The following ORC2 variants were observed in gnomAD, a reference collection of about 807,000 sequenced individuals.
ORC2 encodes the protein origin recognition complex protein 2 homolog.
Under a neutral mutation model 77.7 loss-of-function variants are expected in ORC2, and 37 were observed. The ratio of observed to expected loss-of-function variants is 0.48; its 90% CI spans 0.37 to 0.63. The LOEUF (loss-of-function observed/expected upper bound fraction) is 0.63, where lower values mean the gene tolerates loss of function less well. Ranked by LOEUF, ORC2 falls within the 20% of genes least tolerant of loss-of-function variation. The pLI is 0.00. For missense variants in ORC2, 557 were observed against 661.9 expected (o/e 0.84, Z 1.74); for synonymous variants, 201 against 229.5 (o/e 0.88, Z 1.12).
At chr2:200,916,860 G>A (rs1159745603) in intron 15 of ORC2, among the ~76,000 whole-genome samples, 3 of 151,806 alleles carry the variant, frequency 2.0e-5, no homozygotes, top group Non-Finnish European at 4.4e-5. Context: ...CCGCCACCAC[G>A]CCCGGCTAAT....
chr2:200,959,778 T>A (rs988187581), intron 1 of ORC2, among the ~76,000 whole-genome samples: 4 of 152,002 alleles, frequency 2.6e-5, no homozygotes, highest in African/African-American at 9.7e-5. Context: ...AGATAATAAA[T>A]AGTGGGCTGG....
At position 200,949,570 on chromosome 2, in the gene ORC2, T is replaced by C; in HGVS notation, c.312A>G (p.Glu104=). 6.3e-7 allele frequency: 1 copy of C among 1,576,932 alleles called. No homozygotes were observed. The highest frequency in any genetic ancestry group is 2.3e-5 in the East Asian group (1 of 44,334). The change falls in exon 5 of 18, where the codon GAA becomes GAG. Residue 104 remains glutamate, a synonymous_variant. Transcript: ENST00000234296. The stretch of plus-strand genomic sequence containing the variant: ...GCAACATACCTAATTTAGCCATCTT[T>C]TCAGAGTGTTTTCTATTCTGAAAAG... ...VYSFQNRKHS[E]KMAKLASELA...
chr2:200,945,146 T>A (rs3963301), intron 5 of ORC2, among the ~76,000 whole-genome samples: 1 of 152,250 alleles, frequency 6.6e-6, no homozygotes, highest in Non-Finnish European at 1.5e-5. Flanking sequence ...GTATTAATCA[T>A]CTACATGCAC....
At chr2:200,943,523 A>T (rs2041192351) in intron 5 of ORC2, among the ~76,000 whole-genome samples, 1 of 152,188 alleles carries the variant, frequency 6.6e-6, no homozygotes, top group African/African-American at 2.4e-5. Context: ...AAACAGATTT[A>T]CCTTTTCCAA....
intron 5 of ORC2, among the ~76,000 whole-genome samples, chr2:200,948,058 G>A (rs1465791160): frequency 1.3e-5 from 2 of 151,506 alleles, no homozygotes; most frequent in Non-Finnish European, 2.9e-5. Context: ...ACAGTCGCCC[G>A]CCACCACGCC....
At chr2:200,938,326 G>A (rs369453931) in intron 7 of ORC2, among the ~76,000 whole-genome samples, 3 of 152,138 alleles carry the variant, frequency 2.0e-5, no homozygotes, top group East Asian at 1.9e-4. Flanking sequence ...CACAGCGCCC[G>A]GCCCAATGGA....
intron 4 of ORC2, among the ~76,000 whole-genome samples, chr2:200,953,766 T>C (rs371263770): frequency 6.6e-6 from 1 of 152,214 alleles, no homozygotes; most frequent in African/African-American, 2.4e-5. Flanking sequence ...ATGGTGTGAA[T>C]GTACCTAATG....
At chr2:200,927,422 C>T (rs1056590953) in intron 11 of ORC2, among the ~76,000 whole-genome samples, 3 of 150,746 alleles carry the variant, frequency 2.0e-5, no homozygotes, top group Admixed American at 6.6e-5. Flanking sequence ...AGGTCAGGTG[C>T]GGTGGCTCAC....
chr2:200,935,859 T>G lies in ORC2; in HGVS notation c.548A>C (p.Tyr183Ser). 1 of 1,613,912 alleles carries G rather than the reference T, an allele frequency of 6.2e-7. No homozygotes were observed. Among genetic ancestry groups the G allele is most frequent in the Non-Finnish European group, 8.5e-7 (1 of 1,179,944 alleles). Residue 183 changes from tyrosine to serine, a missense_variant, in exon 9 of 18, where the codon TAT becomes TCT. Coordinates refer to ENST00000234296, the MANE Select transcript of ORC2 (RefSeq NM_006190.5). ...PRSHSDSESE[Y>S]SASNSEDDEG... Reference sequence around the variant, plus strand: ...ATCATCCTCTGAGTTGGAAGCAGAATATTCGCTTTCACTGTCAGAATGAGA... The same window carrying G: ...ATCATCCTCTGAGTTGGAAGCAGAAGATTCGCTTTCACTGTCAGAATGAGA...
chr2:200,963,372 C>T lies in ORC2; in HGVS notation c.-60+118G>A, dbSNP rs145404164. On this transcript the variant is annotated intron_variant, in intron 1 of 17. Coordinates refer to ENST00000234296, the MANE Select transcript of ORC2 (RefSeq NM_006190.5). ...TGCCGAGGGAAAGTCCTGAGATGCG[C>T]GACTTGGGACGCTAGGGGCCAAGCT... is the stretch of plus-strand genomic sequence containing the variant. 1.0e-3 allele frequency: 398 copies of T among 398,212 alleles called. 2 individuals are homozygous for T. The highest frequency in any genetic ancestry group is 5.0e-3 in the African/African-American group (244 of 48,716). The allele number at this position is 398,212 out of a possible 1,614,324, so 24.7% of individuals were successfully genotyped here.
intron 4 of ORC2, among the ~76,000 whole-genome samples, chr2:200,956,913 C>G (rs1334861263): frequency 1.3e-5 from 2 of 152,110 alleles, no homozygotes; most frequent in Non-Finnish European, 2.9e-5. Flanking sequence ...AACACAGGAA[C>G]AGAAAACCAC....
intron 12 of ORC2, among the ~76,000 whole-genome samples, chr2:200,926,393 A>G (rs1575159276): frequency 6.6e-6 from 1 of 152,230 alleles, no homozygotes; most frequent in East Asian, 1.9e-4. Flanking sequence ...GTTAAACTAC[A>G]GTCTTCACAT....
intron 6 of ORC2, among the ~76,000 whole-genome samples, 196 bp from the exon 7 acceptor site, chr2:200,941,475 C>G (rs1208077392): frequency 7.1e-6 from 1 of 140,766 alleles, no homozygotes; most frequent in Non-Finnish European, 1.5e-5. Flanking sequence ...GATCCTGTGT[C>G]TATTCAAAAA....
rs768064160 is a variant in ORC2 at position 200,957,437 on chromosome 2, G to C, written c.202C>G (p.Gln68Glu). ...CTTCCCATAATTTCCACATAGTTCTGATCTTTTAAGACCTCCTGGTCATCT... is the reference window on the plus strand; with the variant it reads ...CTTCCCATAATTTCCACATAGTTCTCATCTTTTAAGACCTCCTGGTCATCT... ...EEDDQEVLKD[Q>E]NYVEIMGRDV... Residue 68 changes from glutamine to glutamate, a missense_variant, in exon 4 of 18, where the codon CAG becomes GAG. Transcript: ENST00000234296. 6.2e-7 allele frequency: 1 copy of C among 1,608,288 alleles called. No homozygotes were observed. Among genetic ancestry groups the C allele is most frequent in the South Asian group, 1.1e-5 (1 of 90,236 alleles).
At chr2:200,956,299 G>A (rs754403048) in intron 4 of ORC2, among the ~76,000 whole-genome samples, 9 of 151,616 alleles carry the variant, frequency 5.9e-5, no homozygotes, top group African/African-American at 1.5e-4. Flanking sequence ...GTATGATCAC[G>A]GCTCACTGCT....
At chr2:200,929,229 A>G (rs1197737051) in intron 11 of ORC2, among the ~76,000 whole-genome samples, 1 of 152,100 alleles carries the variant, frequency 6.6e-6, no homozygotes, top group African/African-American at 2.4e-5. Flanking sequence ...GGAATTACAG[A>G]CGTGAGCCAC....
At chr2:200,924,587 T>C (rs1317963106) in intron 13 of ORC2, among the ~76,000 whole-genome samples, 1 of 152,190 alleles carries the variant, frequency 6.6e-6, no homozygotes, top group Non-Finnish European at 1.5e-5. Context: ...TCTTAATTCT[T>C]AATTTAGTCA....
At chr2:200,954,049 T>A (rs1185864989) in intron 4 of ORC2, among the ~76,000 whole-genome samples, 1 of 151,440 alleles carries the variant, frequency 6.6e-6, no homozygotes, top group Non-Finnish European at 1.5e-5. Flanking sequence ...TTTTTTTTTT[T>A]GAGATGGATT....
At chr2:200,942,519 G>A (rs1278291145) in intron 6 of ORC2, among the ~76,000 whole-genome samples, 166 bp downstream of exon 6, 2 of 152,112 alleles carry the variant, frequency 1.3e-5, no homozygotes, top group East Asian at 1.9e-4. Context: ...TGCTAAACAC[G>A]GGTATACTAA....
Sources: allele counts gnomAD v4.1 joint callset (sites outside exome capture counted in the v4.1 genomes callset), GRCh38; gene constraint gnomAD v4.1.1; transcripts MANE v1.5; gene names NCBI Gene and HGNC (gene_info 2026-07-23, HGNC 2026-07-21).